Variants in STAM observed in about 807,000 individuals in gnomAD.
STAM encodes signal transducing adapter molecule 1.
A neutral mutation model predicts 63.4 loss-of-function variants in STAM; 16 were observed. That is an observed-to-expected ratio of 0.25 (90% confidence interval 0.17 to 0.38). The LOEUF is 0.38. Ranked by LOEUF, STAM falls within the 10% of genes least tolerant of loss-of-function variation. The pLI is 1.00. For missense variants in STAM, 636 were observed against 657.1 expected, an observed-to-expected ratio of 0.97 and a Z score of 0.35; for synonymous variants, 238 against 223.9, an observed-to-expected ratio of 1.06 and a Z score of -0.56.
At chr10:17,653,071 G>A (rs1289981448) in intron 1 of STAM, among the ~76,000 whole-genome samples, 1 of 152,092 alleles carries the variant, frequency 6.6e-6, no homozygotes, top group East Asian at 1.9e-4. Flanking sequence ...GACTTGGTCT[G>A]GGGGCTGGCC....
In STAM at chr10:17,716,274, C is replaced by T. The variant is rs1836811811; in HGVS notation, c.*1494C>T. On this transcript the variant is annotated 3_prime_UTR_variant, in exon 14 of 14. Coordinates refer to ENST00000377524, the MANE Select transcript of STAM (RefSeq NM_003473.4). ...TGTAATCAGGTAGCTTGTTTATTTT[C>T]TTTTTGAGAGAAGATTAAATCTTTA... Among the ~76,000 whole-genome samples, 1 of 151,750 alleles carries T rather than the reference C, an allele frequency of 6.6e-6. No homozygotes were observed. The highest frequency in any genetic ancestry group is 1.5e-5 in the Non-Finnish European group (1 of 67,886).
At chr10:17,655,457 G>A (rs1177801205) in intron 1 of STAM, among the ~76,000 whole-genome samples, 1 of 151,994 alleles carries the variant, frequency 6.6e-6, no homozygotes, top group African/African-American at 2.4e-5. Flanking sequence ...TTATCCACTT[G>A]GTCTTTACTA....
chr10:17,706,810 A>G (rs994326838), intron 12 of STAM, among the ~76,000 whole-genome samples: 6 of 152,218 alleles, frequency 3.9e-5, no homozygotes, highest in Non-Finnish European at 8.8e-5. Context: ...TTTCGTAAAA[A>G]ACACAAAATG....
intron 2 of STAM, among the ~76,000 whole-genome samples, chr10:17,679,805 G>A (rs1417975543): frequency 6.6e-6 from 1 of 151,594 alleles, no homozygotes; most frequent in East Asian, 1.9e-4. Context: ...CATAGAGTTA[G>A]TTTCGGTAGT....
At chr10:17,667,300 T>A (rs1309943284) in intron 2 of STAM, among the ~76,000 whole-genome samples, 1 of 152,154 alleles carries the variant, frequency 6.6e-6, no homozygotes, top group Non-Finnish European at 1.5e-5. Context: ...CTATTTTGTA[T>A]TTTTAGTAGA....
chr10:17,647,504 C>CA, intron 1 of STAM, among the ~76,000 whole-genome samples: 1 of 149,036 alleles, frequency 6.7e-6, no homozygotes, highest in Non-Finnish European at 1.5e-5. Flanking sequence ...TCTCCTTCCA[C>CA]TTTTTTTTTT....
At chr10:17,652,764 A>C (rs1833790347) in intron 1 of STAM, among the ~76,000 whole-genome samples, 3 of 152,138 alleles carry the variant, frequency 2.0e-5, no homozygotes, top group Non-Finnish European at 4.4e-5. Context: ...TTCTAAGATG[A>C]AGTAAGTGAT....
Position 17,716,532 on chromosome 10 carries a change from A to T in STAM, c.*1752A>T, listed in dbSNP as rs950287644. On this transcript the variant is annotated 3_prime_UTR_variant, in exon 14 of 14. Coordinates refer to ENST00000377524, the MANE Select transcript of STAM (RefSeq NM_003473.4). ...TTTTGATAAATATCTGTCGGATTAT[A>T]ATCTTTTCCACTCCAATTTGAGTAT... Among the ~76,000 whole-genome samples, 9 of 152,154 alleles carry T rather than the reference A, an allele frequency of 5.9e-5. No homozygotes were observed. Among genetic ancestry groups the T allele is most frequent in the Admixed American group, 1.3e-4 (2 of 15,278 alleles).
intron 13 of STAM, among the ~76,000 whole-genome samples, chr10:17,710,637 C>T (rs1198246052): frequency 6.6e-6 from 1 of 152,166 alleles, no homozygotes; most frequent in Non-Finnish European, 1.5e-5. Context: ...CTTCCGTTTC[C>T]TGGCTGGTAG....
intron 2 of STAM, among the ~76,000 whole-genome samples, chr10:17,681,769 C>T (rs1835096757): frequency 1.3e-5 from 2 of 152,176 alleles, no homozygotes; most frequent in Admixed American, 1.3e-4. Context: ...CTATTACTGC[C>T]TGGTAACTGG....
chr10:17,666,066 A>G (rs1238054594), intron 2 of STAM, among the ~76,000 whole-genome samples: 1 of 152,202 alleles, frequency 6.6e-6, no homozygotes, highest in Non-Finnish European at 1.5e-5. Context: ...ATATTTATGT[A>G]AACATAGACG....
intron 13 of STAM, among the ~76,000 whole-genome samples, chr10:17,711,686 A>C (rs1406398598): frequency 6.6e-6 from 1 of 152,174 alleles, no homozygotes; most frequent in Admixed American, 6.5e-5. Flanking sequence ...GGGAGGTGTG[A>C]AAGGCGTGGT....
chr10:17,659,064 T>C (rs1392574323), intron 1 of STAM, among the ~76,000 whole-genome samples: 1 of 152,198 alleles, frequency 6.6e-6, no homozygotes, highest in Non-Finnish European at 1.5e-5. Context: ...GCAGTTTGCA[T>C]GATTCCATTT....
At chr10:17,655,413 G>T (rs1554822023) in intron 1 of STAM, among the ~76,000 whole-genome samples, 1 of 151,998 alleles carries the variant, frequency 6.6e-6, no homozygotes, top group East Asian at 1.9e-4. Flanking sequence ...GGGTAGCTAG[G>T]TAGGTACCCT....
At chr10:17,666,532 C>G (rs1834390591) in intron 2 of STAM, among the ~76,000 whole-genome samples, 1 of 151,746 alleles carries the variant, frequency 6.6e-6, no homozygotes, top group African/African-American at 2.4e-5. Context: ...GTAGCTGGGA[C>G]TACAGGCACC....
intron 4 of STAM, among the ~76,000 whole-genome samples, chr10:17,687,615 C>T (rs1835349305): frequency 6.6e-6 from 1 of 152,132 alleles, no homozygotes; most frequent in Non-Finnish European, 1.5e-5. Context: ...AATTAAGCAT[C>T]ATGGAAAAAA....
chr10:17,660,599 C>G (rs368710070), intron 2 of STAM, 51 bp downstream of exon 2: 5 of 1,466,502 alleles, frequency 3.4e-6, no homozygotes, highest in African/African-American at 2.8e-5. Flanking sequence ...TTAAAAAACA[C>G]GAAAGGCCAG....
rs1836716983 is a variant in STAM at position 17,714,546 on chromosome 10, A to G, written c.1389A>G (p.Thr463=). The G allele has an allele frequency of 6.2e-7, 1 of 1,613,966 alleles. No homozygotes were observed. The highest frequency in any genetic ancestry group is 8.5e-7 in the Non-Finnish European group (1 of 1,179,850). ...SQQTQAAYPN[T]MVSSVQGNTY... ...GAGTGTTTTTCTTCCTCCACAGTAC[A>G]ATGGTCAGTTCCGTTCAAGGAAACA... is the stretch of plus-strand genomic sequence containing the variant. The change falls in exon 14 of 14, where the codon ACA becomes ACG. Residue 463 remains threonine (T), a synonymous_variant. Transcript: ENST00000377524.
At chr10:17,665,878 C>T (rs782453901) in intron 2 of STAM, among the ~76,000 whole-genome samples, 2 of 152,042 alleles carry the variant, frequency 1.3e-5, no homozygotes, top group Admixed American at 6.6e-5. Flanking sequence ...ATTTCTACTG[C>T]GCAATTTCCA....
Sources: allele counts gnomAD v4.1 joint callset (sites outside exome capture counted in the v4.1 genomes callset), GRCh38; gene constraint gnomAD v4.1.1; transcripts MANE v1.5; gene names NCBI Gene and HGNC (gene_info 2026-07-23, HGNC 2026-07-21).